TTC29: variants seen among roughly 807,000 people sequenced by gnomAD.
TTC29 encodes the protein tetratricopeptide repeat domain 29.
Under a neutral mutation model 58.1 loss-of-function variants are expected in TTC29, and 49 were observed. The ratio of observed to expected loss-of-function variants is 0.84; its 90% CI spans 0.67 to 1.07. The LOEUF (loss-of-function observed/expected upper bound fraction) is 1.07. Among genes scored for constraint, TTC29 ranks in the 50% least tolerant of loss-of-function variants. The pLI is 0.00. For missense variants in TTC29, 582 were observed against 555.6 expected (o/e 1.05, Z -0.48); for synonymous variants, 209 against 196.8 (o/e 1.06, Z -0.52).
chr4:146,816,444 G>A (rs1751414399), intron 10 of TTC29, among the ~76,000 whole-genome samples: 1 of 152,068 alleles, frequency 6.6e-6, no homozygotes, highest in African/African-American at 2.4e-5. Context: ...GGTAGCAGAG[G>A]AAGCACACGA....
At chr4:146,809,694 C>A (rs1328801805) in intron 10 of TTC29, among the ~76,000 whole-genome samples, 1 of 149,796 alleles carries the variant, frequency 6.7e-6, no homozygotes, top group African/African-American at 2.4e-5. Flanking sequence ...TAGAGAAATG[C>A]AAATCAAAAC....
At chr4:146,779,000 A>G (rs971842483) in intron 11 of TTC29, among the ~76,000 whole-genome samples, 2 of 112,228 alleles carry the variant, frequency 1.8e-5, no homozygotes, top group African/African-American at 8.2e-5. Context: ...AAAAAAAAAA[A>G]AAAGAAAAGA....
At chr4:146,872,518 T>C (rs531501283) in intron 7 of TTC29, among the ~76,000 whole-genome samples, 5 of 152,080 alleles carry the variant, frequency 3.3e-5, no homozygotes, top group South Asian at 4.1e-4. Context: ...ATAAAATATA[T>C]ACAGAATTCT....
chr4:146,916,913 T>C (rs369686468), intron 4 of TTC29, among the ~76,000 whole-genome samples: 9 of 151,478 alleles, frequency 5.9e-5, no homozygotes, highest in African/African-American at 1.9e-4. Flanking sequence ...TACCATAGAT[T>C]AACAGTTTTC....
intron 9 of TTC29, among the ~76,000 whole-genome samples, chr4:146,829,054 T>C (rs190345690): frequency 1.3e-5 from 2 of 152,220 alleles, no homozygotes; most frequent in Admixed American, 6.5e-5. Flanking sequence ...ATTCCAGTTT[T>C]CTATATGCAG....
chr4:146,723,649 T>C (rs1212607288), intron 11 of TTC29, among the ~76,000 whole-genome samples: 1 of 152,126 alleles, frequency 6.6e-6, no homozygotes, highest in African/African-American at 2.4e-5. Context: ...TAACTAATCA[T>C]CAGAGAAATG....
intron 4 of TTC29, among the ~76,000 whole-genome samples, chr4:146,918,781 T>A (rs1734397371): frequency 1.3e-5 from 2 of 151,262 alleles, no homozygotes; most frequent in Non-Finnish European, 3.0e-5. Context: ...CAGGAATGGA[T>A]AAACTATTCA....
rs944895205 is a variant in TTC29, at chr4:146,833,141, T to G, written c.977+665A>C. 4.0e-4 allele frequency among the ~76,000 whole-genome samples: 61 copies of G among 152,178 alleles called. 1 individual carries two copies. Among genetic ancestry groups the G allele is most frequent in the African/African-American group, 1.4e-3 (58 of 41,534 alleles). Reference sequence around the variant, plus strand: ...CTATCTTGGATATAAGATAACATAGTAAAAACCAAGGCCTTAACTGATAAC... The same window carrying G: ...CTATCTTGGATATAAGATAACATAGGAAAAACCAAGGCCTTAACTGATAAC... On this transcript the variant is annotated intron_variant, in intron 9 of 12. Coordinates refer to ENST00000325106, the MANE Select transcript of TTC29 (RefSeq NM_031956.4).
chr4:146,831,570 T>C (rs1728164844), intron 9 of TTC29: 1 of 280,322 alleles, frequency 3.6e-6, no homozygotes, highest in African/African-American at 2.2e-5. Context: ...ATATATCAAA[T>C]ATAGCTGTAT....
intron 2 of TTC29, among the ~76,000 whole-genome samples, chr4:146,941,702 T>C (rs772236563): frequency 1.3e-5 from 2 of 152,192 alleles, no homozygotes; most frequent in Non-Finnish European, 2.9e-5. Flanking sequence ...AAAAACTGGC[T>C]TTTATTCTTA....
intron 6 of TTC29, among the ~76,000 whole-genome samples, chr4:146,884,816 T>C (rs1157914697): frequency 1.4e-5 from 2 of 147,270 alleles, no homozygotes; most frequent in African/African-American, 5.4e-5. Context: ...CTGGAGTTTT[T>C]TGTTTGTTTG....
rs985527870 is a variant in TTC29, at chr4:146,707,568, CAA to C, written c.1331-19_1331-18del. ...TAAACTCTTCTAAAAAAAAAATACA[CAA>C]AGTTAATAGATTATCATGAACACAG... On this transcript the variant is annotated intron_variant, in intron 11 of 12. Coordinates refer to ENST00000325106, the MANE Select transcript of TTC29 (RefSeq NM_031956.4). The C allele has an allele frequency of 1.9e-6, 3 of 1,543,570 alleles. No individual in the cohort carries two copies. Among genetic ancestry groups the C allele is most frequent in the Non-Finnish European group, 2.7e-6 (3 of 1,129,510 alleles).
At chr4:146,921,499 C>G (rs987242086) in intron 4 of TTC29, among the ~76,000 whole-genome samples, 4 of 149,990 alleles carry the variant, frequency 2.7e-5, no homozygotes, top group African/African-American at 9.7e-5. Flanking sequence ...AATGCAAATA[C>G]CAACAAAAAG....
At chr4:146,910,982 T>G (rs1733857919) in intron 4 of TTC29, among the ~76,000 whole-genome samples, 1 of 152,112 alleles carries the variant, frequency 6.6e-6, no homozygotes, top group South Asian at 2.1e-4. Flanking sequence ...ATGGAGGGGC[T>G]CAGAGAGTAG....
chr4:146,715,781 C>T (rs1742884216), intron 11 of TTC29, among the ~76,000 whole-genome samples: 1 of 152,110 alleles, frequency 6.6e-6, no homozygotes, highest in Non-Finnish European at 1.5e-5. Context: ...ATGTTCACAA[C>T]ACAAAGAAAT....
rs760483238 is a variant in TTC29, at chr4:146,903,711, T to G, written c.419A>C (p.His140Pro). 6.3e-7 allele frequency: 1 copy of G among 1,599,234 alleles called. No individual in the cohort carries two copies. The highest frequency in any genetic ancestry group is 8.5e-7 in the Non-Finnish European group (1 of 1,173,318). The change falls in exon 6 of 13, where the codon CAT (histidine) becomes CCT (proline). Residue 140 changes from histidine to proline, a missense_variant. Coordinates refer to ENST00000325106, the MANE Select transcript of TTC29 (RefSeq NM_031956.4). ...ACAGGCCAGAGCATACAAGTTATTA[T>G]GTACATCTTCGAAGGATTCTTCAAA... is the stretch of plus-strand genomic sequence containing the variant. Reference protein sequence around the residue: ...AERKESFEDVHNNLYALACYF... With the variant: ...AERKESFEDVPNNLYALACYF...
chr4:146,778,075 G>A (rs980107530), intron 11 of TTC29, among the ~76,000 whole-genome samples: 9 of 152,174 alleles, frequency 5.9e-5, no homozygotes, highest in Non-Finnish European at 8.8e-5. Flanking sequence ...GATTATCTTC[G>A]TGGACGTGTT....
intron 11 of TTC29, among the ~76,000 whole-genome samples, chr4:146,722,290 C>A (rs1472833176): frequency 6.6e-6 from 1 of 152,148 alleles, no homozygotes. Context: ...CTACCAACAT[C>A]ATTTTTCACA....
chr4:146,784,496 G>A (rs1465362977), intron 11 of TTC29, among the ~76,000 whole-genome samples: 1 of 152,046 alleles, frequency 6.6e-6, no homozygotes, highest in Non-Finnish European at 1.5e-5. Flanking sequence ...GATATTAGGA[G>A]GTGGGGCCTT....
Sources: gnomAD v4.1 joint callset for allele counts (sites outside exome capture counted in the v4.1 genomes callset) on GRCh38, gnomAD v4.1.1 for gene constraint, MANE v1.5 for transcripts, NCBI Gene and HGNC (gene_info 2026-07-23, HGNC 2026-07-21) for gene names.